Variants in SLC23A2 observed in about 807,000 individuals in gnomAD.
The protein encoded by SLC23A2 is solute carrier family 23 member 2.
Under a neutral mutation model 73.3 loss-of-function variants are expected in SLC23A2, and 36 were observed. The observed-to-expected ratio is 0.49, with a 90% confidence interval of 0.38 to 0.65. SLC23A2 has a LOEUF of 0.65. SLC23A2 is among the 30% of genes least tolerant of loss of function. SLC23A2 has a pLI of 0.00. For missense variants in SLC23A2, 507 were observed against 841.6 expected (o/e 0.60, Z 4.92); for synonymous variants, 343 against 327.3 (o/e 1.05, Z -0.52).
At chr20:4,981,307 T>C (rs1355889642) in intron 1 of SLC23A2, among the ~76,000 whole-genome samples, 1 of 152,230 alleles carries the variant, frequency 6.6e-6, no homozygotes, top group East Asian at 1.9e-4. Flanking sequence ...ACATTTGTCA[T>C]CAAAGTGACA....
At chr20:4,949,498 G>A (rs926438285) in intron 2 of SLC23A2, among the ~76,000 whole-genome samples, 10 of 151,978 alleles carry the variant, frequency 6.6e-5, no homozygotes, top group South Asian at 4.1e-4. Flanking sequence ...ACCTAAGGGC[G>A]GTGCCTTCTA....
chr20:4,887,751 T>G (rs1339278435), intron 6 of SLC23A2, among the ~76,000 whole-genome samples: 1 of 152,214 alleles, frequency 6.6e-6, no homozygotes, highest in African/African-American at 2.4e-5. Context: ...AAAGGGCTGC[T>G]CATGCCAGCA....
chr20:4,995,830 G>A (rs1055725113), intron 1 of SLC23A2, among the ~76,000 whole-genome samples: 1 of 152,178 alleles, frequency 6.6e-6, no homozygotes, highest in African/African-American at 2.4e-5. Context: ...CCACAGGGCT[G>A]CAGAGACTGA....
At chr20:5,005,038 A>AATAAATAG (rs1467463914), upstream of SLC23A2, among the ~76,000 whole-genome samples, 2 of 150,928 alleles carry the variant, frequency 1.3e-5, no homozygotes, top group Non-Finnish European at 3.0e-5. Flanking sequence ...TAAATAAATA[A>AATAAATAG]AAATTTAATA....
intron 9 of SLC23A2, among the ~76,000 whole-genome samples, chr20:4,877,009 T>C (rs1247773022): frequency 6.7e-6 from 1 of 149,998 alleles, no homozygotes; most frequent in Non-Finnish European, 1.5e-5. Context: ...TTCTGTTTTA[T>C]GGACATACCA....
At chr20:4,877,805 A>C (rs1001219868) in intron 9 of SLC23A2, among the ~76,000 whole-genome samples, 9 of 152,348 alleles carry the variant, frequency 5.9e-5, no homozygotes, top group African/African-American at 2.2e-4. Flanking sequence ...AAGAAAAGTC[A>C]ATAAAAAAAT....
At chr20:4,942,641 G>A (rs184142413) in intron 2 of SLC23A2, among the ~76,000 whole-genome samples, 14 of 152,168 alleles carry the variant, frequency 9.2e-5, no homozygotes, top group Non-Finnish European at 1.5e-4. Context: ...CATTTTATCC[G>A]ACCATCTCTC....
chr20:4,917,324 ACAGT>A (rs1158705900), intron 3 of SLC23A2, among the ~76,000 whole-genome samples: 3 of 152,310 alleles, frequency 2.0e-5, no homozygotes, highest in Admixed American at 1.3e-4. Context: ...TCTGGGAAAG[ACAGT>A]CAGCTTCAGG....
chr20:4,919,441 C>A lies in SLC23A2; in HGVS notation c.109-6463G>T, dbSNP rs4278995. On this transcript the variant is annotated intron_variant, in intron 3 of 16. Coordinates refer to ENST00000338244, the MANE Select transcript of SLC23A2 (RefSeq NM_005116.6). ...GGGATTCCAGCTGCATCTCACCTGT[C>A]CCCCAGTAGGGCGACAAGAGGAGCC... 8.8e-3 allele frequency among the ~76,000 whole-genome samples: 1,339 copies of A among 152,290 alleles called. 21 individuals carry two copies. The highest frequency in any genetic ancestry group is 0.031 in the African/African-American group (1,273 of 41,566).
rs181045212 is a variant in SLC23A2 at position 4,903,182 on chromosome 20, T to C, written c.208-624A>G. Among the ~76,000 whole-genome samples, 27 of 152,358 alleles carry C rather than the reference T, an allele frequency of 1.8e-4. No homozygotes were observed. In the East Asian group the frequency reaches 5.2e-3, roughly 29 times the overall value. ...CATAGTTTAGGTGACAGGTTTTTTC[T>C]TCTTTTTCTCCTAACACTAGTAAAA... is the stretch of plus-strand genomic sequence containing the variant. On this transcript the variant is annotated intron_variant, in intron 4 of 16. Transcript: ENST00000338244.
chr20:4,974,566 C>G (rs1292681829), intron 1 of SLC23A2, among the ~76,000 whole-genome samples: 1 of 149,676 alleles, frequency 6.7e-6, no homozygotes, highest in African/African-American at 2.5e-5. Context: ...TGACAAATAT[C>G]TTCTGAAAAC....
intron 1 of SLC23A2, among the ~76,000 whole-genome samples, chr20:4,975,405 G>C (rs912297281): frequency 6.6e-6 from 1 of 152,178 alleles, no homozygotes; most frequent in African/African-American, 2.4e-5. Context: ...TTTTGAGACA[G>C]AGTTTCACTC....
rs1359327560 is a variant in SLC23A2, at chr20:4,862,895, G to A, written c.1369C>T (p.Arg457Cys). Residue 457 changes from arginine (R) to cysteine (C), a missense_variant, in exon 14 of 17, where the codon CGC (arginine) becomes TGC (cysteine). Transcript: ENST00000338244. This position sits in a 1 kb window ranked among gnomAD's most constrained non-coding sequence, Gnocchi z 5.1. ...AGGGCTGCTCCGCACTGTATCACGC[G>A]GCGGCTGCCGACCTGCAGAACACAC... ...VLGITKVGSR[R>C]VIQCGAALML... The A allele has an allele frequency of 4.3e-6, 7 of 1,610,652 alleles. No homozygotes were observed. The highest frequency in any genetic ancestry group is 5.9e-6 in the Non-Finnish European group (7 of 1,177,574).
chr20:4,975,071 C>A (rs1285566950), intron 1 of SLC23A2, among the ~76,000 whole-genome samples: 2 of 152,162 alleles, frequency 1.3e-5, no homozygotes, highest in African/African-American at 2.4e-5. Flanking sequence ...CAGGTGTGAG[C>A]CACCGTGCCT....
chr20:4,880,728 C>A (rs572270514), intron 9 of SLC23A2, among the ~76,000 whole-genome samples: 1 of 151,716 alleles, frequency 6.6e-6, no homozygotes. Flanking sequence ...TCATGTCCCA[C>A]CTCTGCATGC....
intron 6 of SLC23A2, among the ~76,000 whole-genome samples, chr20:4,892,122 G>A (rs1314480682): frequency 3.3e-5 from 5 of 152,012 alleles, no homozygotes; most frequent in African/African-American, 1.2e-4. Context: ...CCAAAGTCAC[G>A]TGACTATTAA....
intron 6 of SLC23A2, among the ~76,000 whole-genome samples, chr20:4,887,130 T>G (rs1931133284): frequency 6.6e-6 from 1 of 152,148 alleles, no homozygotes; most frequent in Admixed American, 6.5e-5. Context: ...GGCTACACCA[T>G]ACAAACCAGA....
intron 2 of SLC23A2, among the ~76,000 whole-genome samples, chr20:4,943,165 A>AT (rs2087069449): frequency 1.3e-5 from 2 of 151,544 alleles, no homozygotes; most frequent in Non-Finnish European, 2.9e-5. Context: ...GAGAAGATAG[A>AT]TGTTCCATAA....
At chr20:4,910,795 A>G (rs1437735481) in intron 4 of SLC23A2, among the ~76,000 whole-genome samples, 1 of 152,208 alleles carries the variant, frequency 6.6e-6, no homozygotes, top group Non-Finnish European at 1.5e-5. Flanking sequence ...TTCATAAAGT[A>G]AGAAAAATGG....
Sources: gnomAD v4.1 joint callset for allele counts (sites outside exome capture counted in the v4.1 genomes callset) on GRCh38, gnomAD v4.1.1 for gene constraint, Gnocchi (gnomAD v3.1) non-coding constraint, MANE v1.5 for transcripts, NCBI Gene and HGNC (gene_info 2026-07-23, HGNC 2026-07-21) for gene names.